The following SFMBT1 variants were observed in gnomAD, a reference collection of about 807,000 sequenced individuals.
SFMBT1 encodes scm-like with four MBT domains protein 1.
In SFMBT1, 32 loss-of-function variants were observed where a neutral mutation model predicts 108.7. The observed-to-expected ratio is 0.29, with a 90% CI of 0.22 to 0.40. The LOEUF (loss-of-function observed/expected upper bound fraction) is 0.40, where lower values mean the gene tolerates loss of function less well. SFMBT1 is among the 10% of genes least tolerant of loss of function. The pLI is 1.00. For missense variants in SFMBT1, 816 were observed against 1,059.6 expected, an observed-to-expected ratio of 0.77 and a Z score of 3.19; for synonymous variants, 348 against 369.5, an observed-to-expected ratio of 0.94 and a Z score of 0.67.
At chr3:52,928,730 C>T (rs905762926) in intron 8 of SFMBT1, among the ~76,000 whole-genome samples, 3 of 149,676 alleles carry the variant, frequency 2.0e-5, no homozygotes, top group South Asian at 2.1e-4. Flanking sequence ...GGGTCTTGCT[C>T]TCTTACCCAG....
intron 1 of SFMBT1, among the ~76,000 whole-genome samples, chr3:53,030,916 C>G (rs1242755760): frequency 6.6e-6 from 1 of 152,054 alleles, no homozygotes; most frequent in Non-Finnish European, 1.5e-5. Context: ...ATCCAAATTA[C>G]CTAAACTCAC....
chr3:52,932,325 T>C lies in SFMBT1; in HGVS notation c.454-17A>G, dbSNP rs774740707. 1.9e-6 allele frequency: 3 copies of C among 1,602,316 alleles called. No homozygotes were observed. The South Asian group carries it at 3.4e-5, about 18-fold the overall frequency. On this transcript the variant is annotated splice_polypyrimidine_tract_variant and intron_variant, in intron 5 of 20. Transcript: ENST00000394752. ...ATTACGGAGCTGTAGGATTAAAAAG[T>C]AAAACAACCCAGTAAGAGAAATTAA...
At chr3:52,918,867 C>T (rs1192122113) in intron 12 of SFMBT1, among the ~76,000 whole-genome samples, 1 of 151,956 alleles carries the variant, frequency 6.6e-6, no homozygotes, top group Non-Finnish European at 1.5e-5. Flanking sequence ...CTTTTTGGCA[C>T]CAGGGACTGG....
At chr3:52,952,743 T>C (rs998832315) in intron 3 of SFMBT1, among the ~76,000 whole-genome samples, 7 of 152,136 alleles carry the variant, frequency 4.6e-5, no homozygotes, top group African/African-American at 1.7e-4. Flanking sequence ...AGAAAAAACC[T>C]TTATGGCCGA....
intron 1 of SFMBT1, among the ~76,000 whole-genome samples, chr3:53,008,366 C>T (rs771816111): frequency 1.3e-5 from 2 of 152,112 alleles, no homozygotes; most frequent in Non-Finnish European, 2.9e-5. Flanking sequence ...CTGTTTTGGG[C>T]TGTTTCAAAA....
intron 2 of SFMBT1, among the ~76,000 whole-genome samples, chr3:52,955,885 T>C (rs987132635): frequency 6.6e-6 from 1 of 152,118 alleles, no homozygotes; most frequent in Non-Finnish European, 1.5e-5. Flanking sequence ...CCAAAACCTG[T>C]CAGAGAAACA....
chr3:52,984,648 A>G (rs1704838517), intron 1 of SFMBT1, among the ~76,000 whole-genome samples: 3 of 151,606 alleles, frequency 2.0e-5, no homozygotes, highest in South Asian at 2.1e-4. Flanking sequence ...ATCTTTAAAA[A>G]TTCATACTAT....
chr3:52,934,960 C>A, intron 4 of SFMBT1, 59 bp from the exon 5 acceptor site: 1 of 1,386,728 alleles, frequency 7.2e-7, no homozygotes, highest in Non-Finnish European at 1.0e-6. Flanking sequence ...TGCAGAGAAA[C>A]CGAAATCAGT....
chr3:52,906,040 A>G, intron 20 of SFMBT1, 73 bp downstream of exon 20: 1 of 1,515,128 alleles, frequency 6.6e-7, no homozygotes, highest in Admixed American at 1.8e-5. Flanking sequence ...ACTTGTAAAT[A>G]AATTGTTGAC....
At chr3:53,039,468 T>G (rs974553476) in intron 1 of SFMBT1, among the ~76,000 whole-genome samples, 7 of 151,802 alleles carry the variant, frequency 4.6e-5, no homozygotes, top group Admixed American at 1.3e-4. Context: ...AGGAGGGGAG[T>G]TGGGGAATCC....
At chr3:52,981,712 A>C (rs1333809991) in intron 1 of SFMBT1, among the ~76,000 whole-genome samples, 1 of 151,860 alleles carries the variant, frequency 6.6e-6, no homozygotes, top group Non-Finnish European at 1.5e-5. Flanking sequence ...AAAGTGCTCT[A>C]TTTTGGGGGA....
chr3:52,910,784 C>T (rs1306251114), intron 17 of SFMBT1, among the ~76,000 whole-genome samples: 3 of 152,142 alleles, frequency 2.0e-5, no homozygotes, highest in Admixed American at 6.5e-5. Flanking sequence ...CCACCACACC[C>T]GGCCAAAAGG....
At chr3:53,015,666 T>C (rs1277099936) in intron 1 of SFMBT1, among the ~76,000 whole-genome samples, 1 of 152,164 alleles carries the variant, frequency 6.6e-6, no homozygotes. Context: ...TATGCTAAAT[T>C]AACACCAGGT....
intron 17 of SFMBT1, among the ~76,000 whole-genome samples, chr3:52,910,308 T>C (rs1702185360): frequency 6.6e-6 from 1 of 152,176 alleles, no homozygotes; most frequent in South Asian, 2.1e-4. Flanking sequence ...AAGCACACAA[T>C]GAGCACAAAA....
At chr3:52,977,500 G>C (rs549828184) in intron 1 of SFMBT1, among the ~76,000 whole-genome samples, 1 of 151,462 alleles carries the variant, frequency 6.6e-6, no homozygotes, top group Non-Finnish European at 1.5e-5. Flanking sequence ...GTGAGACTTC[G>C]TATCAAAAAA....
intron 1 of SFMBT1, among the ~76,000 whole-genome samples, chr3:53,028,807 A>G (rs1191446331): frequency 2.6e-5 from 4 of 152,202 alleles, no homozygotes; most frequent in African/African-American, 9.6e-5. Context: ...AGGGAAGTGC[A>G]CAAGTACTCT....
intron 2 of SFMBT1, among the ~76,000 whole-genome samples, chr3:52,958,408 T>C (rs752719882): frequency 3.4e-4 from 52 of 152,266 alleles, no homozygotes; most frequent in Admixed American, 3.3e-4. Context: ...CTGGCTAACA[T>C]GGTGAAACCC....
At chr3:53,020,832 G>A (rs749693698) in intron 1 of SFMBT1, among the ~76,000 whole-genome samples, 2 of 152,162 alleles carry the variant, frequency 1.3e-5, no homozygotes, top group African/African-American at 2.4e-5. Context: ...TTAGGCGGGC[G>A]GATCACCTGA....
intron 1 of SFMBT1, among the ~76,000 whole-genome samples, chr3:52,974,266 C>T (rs1704441872): frequency 6.6e-6 from 1 of 152,160 alleles, no homozygotes; most frequent in South Asian, 2.1e-4. Context: ...ACAAGTCCAA[C>T]AATAATTTCG....
Sources: allele counts gnomAD v4.1 joint callset (sites outside exome capture counted in the v4.1 genomes callset), GRCh38; gene constraint gnomAD v4.1.1; transcripts MANE v1.5; gene names NCBI Gene and HGNC (gene_info 2026-07-23, HGNC 2026-07-21).